The following SIDT1 variants were observed in gnomAD, a reference collection of about 807,000 sequenced individuals.
SIDT1 encodes SID1 transmembrane family member 1.
In SIDT1, 101 loss-of-function variants were observed where a neutral mutation model predicts 107.5. The observed-to-expected ratio is 0.94, with a 90% CI of 0.80 to 1.11. The LOEUF is 1.11. SIDT1 is among the 50% of genes least tolerant of loss of function. The pLI is 0.00. For missense variants in SIDT1, 1,076 were observed against 1,058.2 expected (o/e 1.02, Z -0.23); for synonymous variants, 395 against 398.2 (o/e 0.99, Z 0.10).
At position 113,548,784 on chromosome 3, in the gene SIDT1, C is replaced by T. The variant is rs750256645; in HGVS notation, c.222+15541C>T. On this transcript the variant is annotated intron_variant, in intron 1 of 24. Transcript: ENST00000264852. ...ACTACCTTAGCCCAAGCCCCTTTGC[C>T]TTGTCACATTTTTACAATTTACTAC... Among the ~76,000 whole-genome samples, 8 of 152,252 alleles carry T rather than the reference C, an allele frequency of 5.3e-5. No individual in the cohort carries two copies. The East Asian group carries it at 1.5e-3, about 29-fold the overall frequency.
At chr3:113,607,003 G>A in intron 14 of SIDT1, 38 bp from the exon 15 acceptor site, 1 of 1,398,646 alleles carries the variant, frequency 7.1e-7, no homozygotes, top group Middle Eastern at 1.8e-4. Flanking sequence ...GAGGACGGAG[G>A]AAAACCACAT....
intron 7 of SIDT1, 36 bp from the exon 8 acceptor site, chr3:113,584,662 A>G (rs1185782523): frequency 1.4e-6 from 2 of 1,445,096 alleles, no homozygotes; most frequent in Non-Finnish European, 9.6e-7. Context: ...ATCTGATTCA[A>G]TGTGCTTTGT....
At chr3:113,600,567 A>T (rs1944887544) in intron 10 of SIDT1, among the ~76,000 whole-genome samples, 1 of 152,234 alleles carries the variant, frequency 6.6e-6, no homozygotes, top group Non-Finnish European at 1.5e-5. Flanking sequence ...AGTCAGTAGT[A>T]ATAGAGGTAG....
Position 113,558,742 on chromosome 3 carries a change from C to T in SIDT1, c.223-7678C>T, listed in dbSNP as rs377578723. 6.6e-5 allele frequency among the ~76,000 whole-genome samples: 10 copies of T among 152,228 alleles called. No homozygotes were observed. The East Asian group carries it at 1.9e-3, about 29-fold the overall frequency. ...AGTCATTAAATTGTTTGTTTCCAAC[C>T]CAGGAGACTTGTGTCTTCTCCCAGT... On this transcript the variant is annotated intron_variant, in intron 1 of 24. Transcript: ENST00000264852.
intron 24 of SIDT1, among the ~76,000 whole-genome samples, chr3:113,626,920 T>G (rs1179812108): frequency 6.6e-6 from 1 of 152,132 alleles, no homozygotes; most frequent in Non-Finnish European, 1.5e-5. Context: ...CAAAGCGGGC[T>G]CAGGCAGGCC....
At chr3:113,548,208 T>A (rs975563347) in intron 1 of SIDT1, among the ~76,000 whole-genome samples, 4 of 152,170 alleles carry the variant, frequency 2.6e-5, no homozygotes, top group African/African-American at 9.6e-5. Context: ...TGTGGTACAC[T>A]AATAGTGAAC....
At chr3:113,605,093 GGGTT>G in intron 14 of SIDT1, 117 bp downstream of exon 14, 11 of 933,736 alleles carry the variant, frequency 1.2e-5, no homozygotes, top group South Asian at 1.5e-5. Context: ...TTTCCCATTG[GGGTT>G]CCAATTGGAA....
chr3:113,633,096 C>T (rs1947103839), downstream of SIDT1: 3 of 152,198 alleles, frequency 2.0e-5, no homozygotes, highest in Admixed American at 2.0e-4. Context: ...GATAGCATCT[C>T]TCTCACAGCT....
At chr3:113,576,833 G>A (rs933563760) in intron 3 of SIDT1, 89 bp from the exon 4 acceptor site, 1 of 1,380,682 alleles carries the variant, frequency 7.2e-7, no homozygotes, top group Non-Finnish European at 1.0e-6. Context: ...ACTTTAAGAT[G>A]GCTTTCTTTT....
rs374864733 is a variant in SIDT1 at position 113,580,660 on chromosome 3, T to C, written c.614T>C (p.Val205Ala). Residue 205 changes from valine (V) to alanine (A), a missense_variant, in exon 5 of 25, where the codon GTG (valine) becomes GCG (alanine). Physicochemically the swap from Val to Ala is moderately conservative, Grantham distance 64 (BLOSUM62 0). Transcript: ENST00000264852. The part of the protein sequence containing the change: ...KDVDSVIIKV[V>A]SEMAYPCSVV... ...GTGGACTCAGTTATCATTAAAGTGG[T>C]GTCTGAAATGGCTTATCCATGTTCT... 341 of 1,613,658 alleles carry C rather than the reference T, an allele frequency of 2.1e-4. 6 individuals are homozygous for C. The South Asian group carries it at 3.1e-3, about 15-fold the overall frequency.
At chr3:113,637,021 A>G in the SIDT1 span, among the ~76,000 whole-genome samples, 3 of 152,228 alleles carry the variant, frequency 2.0e-5, no homozygotes, top group Non-Finnish European at 4.4e-5. Context: ...CACTTTCCCA[A>G]AGTCACAGCC....
intron 20 of SIDT1, among the ~76,000 whole-genome samples, chr3:113,618,735 CA>C (rs1946269751): frequency 6.6e-6 from 1 of 152,218 alleles, no homozygotes; most frequent in Non-Finnish European, 1.5e-5. Flanking sequence ...AAAGTATGAT[CA>C]AATCTCTCCT....
Position 113,611,094 on chromosome 3 carries a change from T to C in SIDT1, c.1807T>C (p.Ser603Pro). ...CCCAGACATCAATGCCAGCGCCTAC[T>C]CTGCCTATGCCTCCTTTGCTGTGGT... Reference protein sequence around the residue: ...RHPDINASAYSAYASFAVVIM... With the variant: ...RHPDINASAYPAYASFAVVIM... The change falls in exon 18 of 25, where the codon TCT becomes CCT. Residue 603 changes from serine to proline, a missense_variant. Transcript: ENST00000264852. 6.2e-7 allele frequency: 1 copy of C among 1,614,122 alleles called. No homozygotes were observed. The highest frequency in any genetic ancestry group is 8.5e-7 in the Non-Finnish European group (1 of 1,180,012).
At chr3:113,569,881 A>G (rs1312217108) in intron 3 of SIDT1, among the ~76,000 whole-genome samples, 2 of 152,100 alleles carry the variant, frequency 1.3e-5, no homozygotes, top group African/African-American at 4.8e-5. Flanking sequence ...CCCTAAAATG[A>G]TTTCTAAATA....
intron 1 of SIDT1, among the ~76,000 whole-genome samples, chr3:113,554,988 A>G (rs1262850964): frequency 6.6e-6 from 1 of 152,172 alleles, no homozygotes; most frequent in East Asian, 1.9e-4. Flanking sequence ...ATGGCACTTA[A>G]AACCTTCCAA....
intron 3 of SIDT1, 150 bp from the exon 4 acceptor site, chr3:113,576,772 T>C: frequency 1.3e-6 from 1 of 759,484 alleles, no homozygotes; most frequent in East Asian, 2.5e-5. Flanking sequence ...ACTTTGTCAG[T>C]TTCACGGAAC....
chr3:113,613,412 C>G (rs967045598), intron 19 of SIDT1, among the ~76,000 whole-genome samples: 4 of 152,204 alleles, frequency 2.6e-5, no homozygotes, highest in Admixed American at 1.3e-4. Flanking sequence ...AATAAGGCCT[C>G]TAAAATATGG....
Position 113,608,551 on chromosome 3 carries a change from T to A in SIDT1, c.1720+15T>A. ...CTTCCAATTCGGTAATTAGAACTTA[T>A]ATCTACTATACAGATTTGAATCGTC... On this transcript the variant is annotated intron_variant, in intron 17 of 24. Coordinates refer to ENST00000264852, the MANE Select transcript of SIDT1 (RefSeq NM_017699.3). 2.6e-6 allele frequency: 4 copies of A among 1,511,326 alleles called. No individual in the cohort carries two copies. Among genetic ancestry groups the A allele is most frequent in the Non-Finnish European group, 3.7e-6 (4 of 1,086,482 alleles). 93.6% of individuals were successfully genotyped at this position (1,511,326 alleles called of 1,614,324 possible).
chr3:113,556,079 T>C (rs1361540210), intron 1 of SIDT1, among the ~76,000 whole-genome samples: 1 of 152,192 alleles, frequency 6.6e-6, no homozygotes, highest in Non-Finnish European at 1.5e-5. Flanking sequence ...ACTGTTTCCA[T>C]TCTACAATTG....
Sources: gnomAD v4.1 joint callset for allele counts (sites outside exome capture counted in the v4.1 genomes callset) on GRCh38, gnomAD v4.1.1 for gene constraint, MANE v1.5 for transcripts, NCBI Gene and HGNC (gene_info 2026-07-23, HGNC 2026-07-21) for gene names.